MACROD2: variants seen among roughly 807,000 people sequenced by gnomAD.
The protein encoded by MACROD2 is ADP-ribose glycohydrolase MACROD2.
In MACROD2, 36 loss-of-function variants were observed where a neutral mutation model predicts 70.4. The observed-to-expected ratio is 0.51, with a 90% CI of 0.39 to 0.68. The LOEUF is 0.68. Ranked by LOEUF, MACROD2 falls within the 30% of genes least tolerant of loss-of-function variation. The pLI is 0.00. For missense variants in MACROD2, 496 were observed against 538.4 expected (o/e 0.92, Z 0.78); for synonymous variants, 172 against 178.8 (o/e 0.96, Z 0.30).
intron 5 of MACROD2, among the ~76,000 whole-genome samples, chr20:15,174,750 G>A (rs2076447238): frequency 6.6e-6 from 1 of 152,196 alleles, no homozygotes; most frequent in Admixed American, 6.5e-5. Context: ...TTCTCTGATA[G>A]CCAGTGATGG....
At chr20:15,090,682 G>C (rs575965131) in intron 5 of MACROD2, among the ~76,000 whole-genome samples, 9 of 151,986 alleles carry the variant, frequency 5.9e-5, no homozygotes, top group Non-Finnish European at 8.8e-5. Context: ...AGTACCCTTG[G>C]TAAGTTAAAA....
At chr20:14,294,532 G>A (rs2082411585) in intron 3 of MACROD2, among the ~76,000 whole-genome samples, 1 of 151,624 alleles carries the variant, frequency 6.6e-6, no homozygotes, top group Non-Finnish European at 1.5e-5. Flanking sequence ...TGTGTTAGTA[G>A]CTAATGACAT....
At chr20:15,695,645 G>A (rs754444000) in intron 8 of MACROD2, among the ~76,000 whole-genome samples, 4 of 152,060 alleles carry the variant, frequency 2.6e-5, no homozygotes, top group Non-Finnish European at 5.9e-5. Context: ...TCCTGACCTC[G>A]TGATCCACCC....
chr20:14,869,271 T>C (rs932486016), intron 5 of MACROD2, among the ~76,000 whole-genome samples: 2 of 152,212 alleles, frequency 1.3e-5, no homozygotes, highest in Non-Finnish European at 2.9e-5. Flanking sequence ...TTGGTTGCCT[T>C]GAGAAGAACA....
chr20:15,810,333 A>G (rs1188602570), intron 8 of MACROD2, among the ~76,000 whole-genome samples: 3 of 151,750 alleles, frequency 2.0e-5, no homozygotes, highest in African/African-American at 7.3e-5. Flanking sequence ...ATACATGTGC[A>G]TGTGTCTTTA....
At chr20:14,697,030 C>T (rs1382176844) in intron 5 of MACROD2, among the ~76,000 whole-genome samples, 1 of 152,026 alleles carries the variant, frequency 6.6e-6, no homozygotes, top group Non-Finnish European at 1.5e-5. Context: ...ATATGGAATT[C>T]AGGGATTGTG....
chr20:14,426,467 C>T (rs1313840242), intron 3 of MACROD2, among the ~76,000 whole-genome samples: 1 of 151,946 alleles, frequency 6.6e-6, no homozygotes, highest in Non-Finnish European at 1.5e-5. Flanking sequence ...TGCTATTATA[C>T]ATATTAGTTT....
At chr20:14,563,468 A>G (rs1364398549) in intron 4 of MACROD2, among the ~76,000 whole-genome samples, 1 of 151,974 alleles carries the variant, frequency 6.6e-6, no homozygotes, top group Non-Finnish European at 1.5e-5. Context: ...TGACAGTACC[A>G]AAGTCTGGTG....
intron 5 of MACROD2, among the ~76,000 whole-genome samples, chr20:15,003,880 C>A (rs774602244): frequency 6.6e-6 from 1 of 152,096 alleles, no homozygotes; most frequent in Non-Finnish European, 1.5e-5. Context: ...CTAAGATTGG[C>A]CTTTTGAGAT....
chr20:15,567,103 T>G (rs2146618140), intron 8 of MACROD2, among the ~76,000 whole-genome samples: 1 of 151,802 alleles, frequency 6.6e-6, no homozygotes, highest in East Asian at 1.9e-4. Context: ...ATTGTGGGGT[T>G]TTTTTTTTCA....
intron 5 of MACROD2, among the ~76,000 whole-genome samples, chr20:15,122,742 A>C (rs1384657056): frequency 6.6e-6 from 1 of 152,044 alleles, no homozygotes; most frequent in Non-Finnish European, 1.5e-5. Flanking sequence ...TCCACCCCCA[A>C]ACTAAACAGA....
chr20:14,350,215 A>G (rs1314634972), intron 3 of MACROD2, among the ~76,000 whole-genome samples: 2 of 151,996 alleles, frequency 1.3e-5, no homozygotes, highest in East Asian at 3.9e-4. Context: ...TCTTCAGTAT[A>G]CTGATTTCCT....
intron 5 of MACROD2, among the ~76,000 whole-genome samples, chr20:14,774,068 A>G (rs553530829): frequency 3.3e-5 from 5 of 152,144 alleles, no homozygotes; most frequent in Admixed American, 2.6e-4. Context: ...TGGTGTTTTT[A>G]TCCCAAAGTT....
intron 3 of MACROD2, among the ~76,000 whole-genome samples, chr20:14,176,222 C>T (rs1220191964): frequency 6.6e-6 from 1 of 152,096 alleles, no homozygotes; most frequent in Non-Finnish European, 1.5e-5. Context: ...GTGAGATTGC[C>T]TGTGGTGACA....
chr20:15,861,254 C>T (rs2064420608), intron 8 of MACROD2, among the ~76,000 whole-genome samples: 1 of 152,182 alleles, frequency 6.6e-6, no homozygotes, highest in East Asian at 1.9e-4. Context: ...TGCTGTCACT[C>T]AACATTATGA....
intron 2 of MACROD2, among the ~76,000 whole-genome samples, chr20:14,007,022 C>T (rs17812574): frequency 0.035 from 5,381 of 152,186 alleles, 144 homozygotes; most frequent in Non-Finnish European, 0.05. Flanking sequence ...GTATTGTCAG[C>T]TGAATATTGT....
chr20:15,976,126 A>G (rs2066302672), intron 13 of MACROD2, among the ~76,000 whole-genome samples: 1 of 152,220 alleles, frequency 6.6e-6, no homozygotes, highest in Non-Finnish European at 1.5e-5. Flanking sequence ...TGTTGTTGCT[A>G]TTGTTCAGAA....
At chr20:15,084,724 C>G (rs1388117426) in intron 5 of MACROD2, among the ~76,000 whole-genome samples, 2 of 152,096 alleles carry the variant, frequency 1.3e-5, no homozygotes, top group East Asian at 3.9e-4. Context: ...TTTAAGCATA[C>G]ATTCAGTTCT....
intron 8 of MACROD2, among the ~76,000 whole-genome samples, chr20:15,756,428 A>G (rs973959394): frequency 1.3e-5 from 2 of 152,160 alleles, no homozygotes; most frequent in African/African-American, 4.8e-5. Flanking sequence ...AAAAATTTAC[A>G]AGGAGGTCAC....
Sources: allele counts gnomAD v4.1 joint callset (sites outside exome capture counted in the v4.1 genomes callset), GRCh38; gene constraint gnomAD v4.1.1; transcripts MANE v1.5; gene names NCBI Gene and HGNC (gene_info 2026-07-23, HGNC 2026-07-21).